PCGF5: variants seen among roughly 807,000 people sequenced by gnomAD.
PCGF5 encodes polycomb group RING finger protein 5.
PCGF5 carries 9 observed loss-of-function variants against 44.3 expected under a neutral mutation model. That is an observed-to-expected ratio of 0.20 (90% confidence interval 0.12 to 0.35). The LOEUF (loss-of-function observed/expected upper bound fraction) is 0.35. Among genes scored for constraint, PCGF5 ranks in the 10% least tolerant of loss-of-function variants. The pLI, the probability that PCGF5 is intolerant of heterozygous loss-of-function variation, is 1.00. For missense variants in PCGF5, 146 were observed against 305.3 expected, an observed-to-expected ratio of 0.48 and a Z score of 3.89; for synonymous variants, 95 against 102.5, an observed-to-expected ratio of 0.93 and a Z score of 0.44.
chr10:91,234,909 G>A (rs1414648730), intron 2 of PCGF5, among the ~76,000 whole-genome samples: 1 of 152,088 alleles, frequency 6.6e-6, no homozygotes, highest in African/African-American at 2.4e-5. Context: ...ATACTACCTT[G>A]GTTTTTCATG....
At chr10:91,224,612 A>G (rs1007507445) in intron 2 of PCGF5, among the ~76,000 whole-genome samples, 1 of 152,174 alleles carries the variant, frequency 6.6e-6, no homozygotes, top group Non-Finnish European at 1.5e-5. Context: ...TGACATTTGA[A>G]CAGAAACCTG....
intron 1 of PCGF5, among the ~76,000 whole-genome samples, chr10:91,167,755 A>C (rs771525781): frequency 2.0e-5 from 3 of 152,242 alleles, no homozygotes; most frequent in Non-Finnish European, 4.4e-5. Flanking sequence ...GATGTGATCA[A>C]GACTATGCTT....
chr10:91,189,375 G>C (rs114265650), intron 1 of PCGF5, among the ~76,000 whole-genome samples: 3,621 of 152,226 alleles, frequency 0.024, 141 homozygotes, highest in African/African-American at 0.083. Flanking sequence ...GTGATGTTTT[G>C]AAATCCCAGT....
intron 1 of PCGF5, among the ~76,000 whole-genome samples, chr10:91,178,428 T>C (rs776063818): frequency 6.3e-4 from 96 of 151,738 alleles, no homozygotes; most frequent in Middle Eastern, 3.4e-3. Context: ...CTTGCTCTGT[T>C]GCCCAGGCTG....
chr10:91,252,491 T>C (rs186791282), intron 6 of PCGF5, among the ~76,000 whole-genome samples: 41 of 152,162 alleles, frequency 2.7e-4, no homozygotes, highest in African/African-American at 9.4e-4. Context: ...AGAAAAAACA[T>C]CTTTCACTCA....
intron 9 of PCGF5, among the ~76,000 whole-genome samples, chr10:91,271,919 A>G (rs1589412168): frequency 6.6e-6 from 1 of 152,332 alleles, no homozygotes; most frequent in South Asian, 2.1e-4. Context: ...TGTTAAGGCT[A>G]TTACTTATGA....
At chr10:91,217,146 G>A (rs529507648), upstream of PCGF5, among the ~76,000 whole-genome samples, 1 of 151,962 alleles carries the variant, frequency 6.6e-6, no homozygotes, top group Non-Finnish European at 1.5e-5. Context: ...CCATTCTCCT[G>A]CCTCAGCCTC....
chr10:91,171,899 G>A (rs182399255), intron 1 of PCGF5, among the ~76,000 whole-genome samples: 1 of 152,314 alleles, frequency 6.6e-6, no homozygotes, highest in East Asian at 1.9e-4. Context: ...TTTTGTATCA[G>A]TGTCAGTGTC....
At chr10:91,252,002 T>A (rs2133382208) in intron 6 of PCGF5, among the ~76,000 whole-genome samples, 1 of 152,142 alleles carries the variant, frequency 6.6e-6, no homozygotes, top group Middle Eastern at 3.4e-3. Context: ...TTCCTCTGCC[T>A]CTGCTAATTG....
In PCGF5 at chr10:91,251,165, G is replaced by A; in HGVS notation, c.326-127G>A. ...GGTTGGAACATTTTAAAGATACTAAGTTCTTCTTCAAAAACTGTTAGGAAA... is the reference window on the plus strand; with the variant it reads ...GGTTGGAACATTTTAAAGATACTAAATTCTTCTTCAAAAACTGTTAGGAAA... On this transcript the variant is annotated intron_variant, in intron 5 of 9. Coordinates refer to ENST00000336126, the MANE Select transcript of PCGF5 (RefSeq NM_032373.5). 6.9e-6 allele frequency: 4 copies of A among 579,950 alleles called. 1 individual carries two copies. The South Asian group carries it at 1.1e-4, about 15-fold the overall frequency. The allele number at this position is 579,950 out of a possible 1,614,324, so 35.9% of individuals were successfully genotyped here. A position where few individuals can be genotyped will look rare whatever the true frequency, so the allele number is the denominator to read the frequency against.
At chr10:91,248,631 G>T (rs1486942974) in intron 4 of PCGF5, 34 bp from the exon 5 acceptor site, 6 of 1,598,778 alleles carry the variant, frequency 3.8e-6, no homozygotes, top group Non-Finnish European at 5.1e-6. Flanking sequence ...AAGATTTCAT[G>T]ACTTTTACTT....
chr10:91,217,993 G>C (rs532443594), upstream of PCGF5, among the ~76,000 whole-genome samples: 1 of 152,252 alleles, frequency 6.6e-6, no homozygotes, highest in Non-Finnish European at 1.5e-5. Context: ...CACCATGTTG[G>C]CCAGGCTGGT....
chr10:91,242,928 A>C (rs913101137), intron 3 of PCGF5, among the ~76,000 whole-genome samples: 3 of 152,220 alleles, frequency 2.0e-5, no homozygotes, highest in African/African-American at 4.8e-5. Context: ...GATGTCCTTT[A>C]TAGAGATCTT....
chr10:91,225,234 T>TC lies in PCGF5; in HGVS notation c.112+2251_112+2252insC, dbSNP rs1420790129. The stretch of plus-strand genomic sequence containing the variant: ...TATCATATATTTGATATATATCATA[T>TC]ATGTATATATGATATATATCGTATA... On this transcript the variant is annotated intron_variant, in intron 2 of 9. Coordinates refer to ENST00000336126, the MANE Select transcript of PCGF5 (RefSeq NM_032373.5). 2.7e-5 allele frequency among the ~76,000 whole-genome samples: 4 copies of TC among 147,470 alleles called. No homozygotes were observed. The Admixed American group carries it at 2.7e-4, about 10-fold the overall frequency.
chr10:91,194,221 A>G (rs1445832061), intron 1 of PCGF5, among the ~76,000 whole-genome samples: 2 of 152,226 alleles, frequency 1.3e-5, no homozygotes, highest in African/African-American at 4.8e-5. Flanking sequence ...CCAGAGGGAC[A>G]TTGCACATGT....
At chr10:91,263,028 A>G (rs907648484) in intron 7 of PCGF5, among the ~76,000 whole-genome samples, 1 of 152,206 alleles carries the variant, frequency 6.6e-6, no homozygotes, top group Non-Finnish European at 1.5e-5. Context: ...CAAAGATGGA[A>G]GGGGGAGAGA....
chr10:91,234,121 T>G (rs763743578), intron 2 of PCGF5, among the ~76,000 whole-genome samples: 4 of 152,152 alleles, frequency 2.6e-5, no homozygotes, highest in Non-Finnish European at 5.9e-5. Context: ...CAAATGACCT[T>G]GTACCTTTTG....
At chr10:91,208,136 A>G (rs982549796) in intron 1 of PCGF5, among the ~76,000 whole-genome samples, 9 of 152,198 alleles carry the variant, frequency 5.9e-5, no homozygotes, top group African/African-American at 2.2e-4. Context: ...AATTAATAAC[A>G]TGGTTATAAA....
chr10:91,166,738 A>C (rs912447714), intron 1 of PCGF5, among the ~76,000 whole-genome samples: 6 of 152,194 alleles, frequency 3.9e-5, no homozygotes, highest in Non-Finnish European at 8.8e-5. Flanking sequence ...TAATAAGTAG[A>C]GCTTTCCACA....
Sources: allele counts gnomAD v4.1 joint callset (sites outside exome capture counted in the v4.1 genomes callset), GRCh38; gene constraint gnomAD v4.1.1; transcripts MANE v1.5; gene names NCBI Gene and HGNC (gene_info 2026-07-23, HGNC 2026-07-21).